DPP6: variants seen among roughly 807,000 people sequenced by gnomAD.
The protein encoded by DPP6 is dipeptidyl peptidase like 6, also known as A-type potassium channel modulatory protein DPP6.
DPP6 carries 69 observed loss-of-function variants against 122.6 expected under a neutral mutation model. The observed-to-expected ratio is 0.56, with a 90% CI of 0.46 to 0.69. The LOEUF is 0.69. Ranked by LOEUF, DPP6 falls within the 30% of genes least tolerant of loss-of-function variation. DPP6 has a pLI of 0.00. For synonymous variants in DPP6, 418 were observed against 433.1 expected, an observed-to-expected ratio of 0.97 and a Z score of 0.43; for missense variants, 928 against 1,116.9, an observed-to-expected ratio of 0.83 and a Z score of 2.41.
the DPP6 span, among the ~76,000 whole-genome samples, chr7:153,773,721 T>G: frequency 1.3e-5 from 2 of 151,340 alleles, no homozygotes; most frequent in South Asian, 2.1e-4. Flanking sequence ...AGAAGAAAAT[T>G]TATACAACTA....
chr7:154,795,803 A>T (rs1484517147), intron 11 of DPP6, 42 bp from the exon 12 acceptor site: 83 of 1,396,790 alleles, frequency 5.9e-5, no homozygotes, highest in Non-Finnish European at 7.7e-5. Context: ...AAAAGAAAAG[A>T]AAAGAAAAAC....
intron 1 of DPP6, among the ~76,000 whole-genome samples, chr7:154,085,245 C>G (rs1804320194): frequency 1.3e-5 from 2 of 152,128 alleles, no homozygotes; most frequent in African/African-American, 4.8e-5. Context: ...TCATTTTATC[C>G]AATTCTCAAC....
chr7:154,663,259 G>T (rs1837882523), intron 6 of DPP6, among the ~76,000 whole-genome samples: 1 of 64,158 alleles, frequency 1.6e-5, no homozygotes, highest in African/African-American at 3.7e-5. Flanking sequence ...TGGCGTATTG[G>T]CCGTAGTGTT....
At chr7:153,917,165 A>G (rs1016763544) in intron 1 of DPP6, among the ~76,000 whole-genome samples, 1 of 152,190 alleles carries the variant, frequency 6.6e-6, no homozygotes, top group Non-Finnish European at 1.5e-5. Context: ...GCAAGTTCTT[A>G]TAGGGTCTAC....
intron 6 of DPP6, among the ~76,000 whole-genome samples, chr7:154,660,534 G>A (rs188194537): frequency 0.089 from 11,028 of 124,566 alleles, 691 homozygotes; most frequent in East Asian, 0.14. Flanking sequence ...GCATATTGGC[G>A]CTAGTGTTCA....
chr7:154,622,147 T>C (rs923597981), intron 5 of DPP6, among the ~76,000 whole-genome samples: 1 of 152,200 alleles, frequency 6.6e-6, no homozygotes, highest in East Asian at 1.9e-4. Flanking sequence ...GGAGACCACA[T>C]AGCCCAGTTG....
At chr7:154,736,906 C>T (rs1842594613) in intron 8 of DPP6, among the ~76,000 whole-genome samples, 1 of 152,210 alleles carries the variant, frequency 6.6e-6, no homozygotes, top group Non-Finnish European at 1.5e-5. Flanking sequence ...TCCATTTCCA[C>T]AAAATTCCCT....
At chr7:153,793,013 A>G in the DPP6 span, among the ~76,000 whole-genome samples, 1 of 152,336 alleles carries the variant, frequency 6.6e-6, no homozygotes. Flanking sequence ...GTGAAACAAT[A>G]AGTCCAGTTA....
intron 1 of DPP6, among the ~76,000 whole-genome samples, chr7:154,076,419 C>T (rs1803557734): frequency 6.6e-6 from 1 of 151,664 alleles, no homozygotes; most frequent in Admixed American, 6.6e-5. Context: ...CAATGCACTC[C>T]AGCCTGGGTG....
intron 7 of DPP6, among the ~76,000 whole-genome samples, chr7:154,686,763 G>C (rs1165278613): frequency 3.3e-5 from 5 of 152,104 alleles, no homozygotes; most frequent in African/African-American, 1.2e-4. Flanking sequence ...CTAAGTATTT[G>C]ATGTTAGTTT....
At chr7:154,225,903 G>A (rs942230784) in intron 1 of DPP6, among the ~76,000 whole-genome samples, 1 of 152,112 alleles carries the variant, frequency 6.6e-6, no homozygotes, top group African/African-American at 2.4e-5. Flanking sequence ...AGCAAGCAAT[G>A]CTTCAAAGCA....
chr7:154,033,636 A>G (rs528023855), intron 1 of DPP6, among the ~76,000 whole-genome samples: 1 of 152,192 alleles, frequency 6.6e-6, no homozygotes, highest in African/African-American at 2.4e-5. Context: ...TCTGTCTTTG[A>G]TGCAGTGATA....
chr7:154,709,776 C>T (rs568156489), intron 7 of DPP6, among the ~76,000 whole-genome samples: 2 of 152,246 alleles, frequency 1.3e-5, no homozygotes, highest in South Asian at 4.2e-4. Flanking sequence ...ATATCTCTCT[C>T]GCTTCTTCTT....
chr7:154,849,817 T>C (rs1349784722), intron 16 of DPP6, among the ~76,000 whole-genome samples: 1 of 152,218 alleles, frequency 6.6e-6, no homozygotes, highest in African/African-American at 2.4e-5. Context: ...AGATGGCCTT[T>C]ATTGTATTGA....
At chr7:153,791,064 C>A in the DPP6 span, among the ~76,000 whole-genome samples, 6 of 152,260 alleles carry the variant, frequency 3.9e-5, no homozygotes, top group East Asian at 1.2e-3. Context: ...TATAGACAAT[C>A]TTTTATTCAT....
At chr7:154,701,426 C>G (rs1840521115) in intron 7 of DPP6, among the ~76,000 whole-genome samples, 1 of 152,178 alleles carries the variant, frequency 6.6e-6, no homozygotes, top group Admixed American at 6.5e-5. Flanking sequence ...AGTGATTTCT[C>G]CACGTGTTTT....
chr7:154,393,554 A>ATTTT (rs552425581), intron 1 of DPP6, among the ~76,000 whole-genome samples: 10,711 of 141,288 alleles, frequency 0.076, 442 homozygotes, highest in East Asian at 0.11. Context: ...AGATTGTTCA[A>ATTTT]TTTTTTTTTT....
chr7:154,704,048 A>G (rs1334881556), intron 7 of DPP6, among the ~76,000 whole-genome samples: 1 of 152,260 alleles, frequency 6.6e-6, no homozygotes, highest in Non-Finnish European at 1.5e-5. Flanking sequence ...AGGATTTATC[A>G]TCCCAGATGC....
At chr7:153,830,145 A>G in the DPP6 span, among the ~76,000 whole-genome samples, 2 of 152,226 alleles carry the variant, frequency 1.3e-5, no homozygotes, top group Non-Finnish European at 2.9e-5. Flanking sequence ...CATGTATTAA[A>G]CTGTATAAAT....
Sources: gnomAD v4.1 joint callset for allele counts (sites outside exome capture counted in the v4.1 genomes callset) on GRCh38, gnomAD v4.1.1 for gene constraint, MANE v1.5 for transcripts, NCBI Gene and HGNC (gene_info 2026-07-23, HGNC 2026-07-21) for gene names.